The following DOCK3 variants were observed in gnomAD, a reference collection of about 807,000 sequenced individuals.
DOCK3 encodes the protein dedicator of cytokinesis 3.
In DOCK3, 60 loss-of-function variants were observed where a neutral mutation model predicts 265.6. The observed-to-expected ratio is 0.23, with a 90% CI of 0.18 to 0.28. DOCK3 has a LOEUF of 0.28. Ranked by LOEUF, DOCK3 falls within the 10% of genes least tolerant of loss-of-function variation. DOCK3 has a pLI of 1.00. For missense variants in DOCK3, 1,981 were observed against 2,594.3 expected, an observed-to-expected ratio of 0.76 and a Z score of 5.14; for synonymous variants, 881 against 938.0, an observed-to-expected ratio of 0.94 and a Z score of 1.11.
chr3:51,090,136 G>A (rs2082582996), intron 8 of DOCK3, 94 bp from the exon 9 acceptor site: 6 of 1,297,236 alleles, frequency 4.6e-6, no homozygotes, highest in Middle Eastern at 2.2e-4. Flanking sequence ...CTTCAGTAGT[G>A]TGAAAAGAGT....
intron 1 of DOCK3, among the ~76,000 whole-genome samples, chr3:50,716,445 G>A (rs575680002): frequency 4.9e-4 from 74 of 152,068 alleles, no homozygotes; most frequent in African/African-American, 9.4e-4. Context: ...GCAGAATGGC[G>A]TGAACCCAGG....
intron 5 of DOCK3, among the ~76,000 whole-genome samples, chr3:51,007,822 T>G (rs1369463931): frequency 1.3e-5 from 2 of 152,230 alleles, no homozygotes; most frequent in Non-Finnish European, 2.9e-5. Flanking sequence ...GGGCTCCAGT[T>G]TCAGCTTTCT....
chr3:50,909,145 C>T (rs532162484), intron 4 of DOCK3, among the ~76,000 whole-genome samples: 42 of 151,892 alleles, frequency 2.8e-4, no homozygotes, highest in African/African-American at 8.9e-4. Context: ...GACGGCATAC[C>T]AATGGTCTTA....
At chr3:50,893,789 A>G (rs976232330) in intron 4 of DOCK3, among the ~76,000 whole-genome samples, 2 of 151,938 alleles carry the variant, frequency 1.3e-5, no homozygotes, top group East Asian at 3.9e-4. Flanking sequence ...CTTGAAGTCC[A>G]AACAACCCCT....
At chr3:50,724,489 C>T (rs1214623828) in intron 1 of DOCK3, among the ~76,000 whole-genome samples, 2 of 152,192 alleles carry the variant, frequency 1.3e-5, no homozygotes, top group African/African-American at 2.4e-5. Context: ...AGCACATATA[C>T]ACCATGCAAT....
At chr3:50,997,138 G>A (rs2078314389) in intron 5 of DOCK3, among the ~76,000 whole-genome samples, 2 of 152,160 alleles carry the variant, frequency 1.3e-5, no homozygotes, top group Admixed American at 6.5e-5. Flanking sequence ...AATGAGCACT[G>A]TTCTCTTTAT....
intron 3 of DOCK3, among the ~76,000 whole-genome samples, chr3:50,848,954 A>G (rs1047797994): frequency 2.0e-5 from 3 of 152,142 alleles, no homozygotes; most frequent in Admixed American, 6.5e-5. Flanking sequence ...TTTGCTTTAC[A>G]TAATCCCATA....
chr3:50,796,893 T>A (rs894310939), intron 2 of DOCK3, among the ~76,000 whole-genome samples: 12 of 152,120 alleles, frequency 7.9e-5, no homozygotes, highest in Admixed American at 7.9e-4. Context: ...CTGGGCTGCA[T>A]GCTCTAACTC....
chr3:51,039,883 C>CTTTTTT (rs60370676), intron 5 of DOCK3, among the ~76,000 whole-genome samples: 1 of 99,872 alleles, frequency 1.0e-5, no homozygotes, highest in African/African-American at 3.9e-5. Context: ...GCTTTGAGGT[C>CTTTTTT]TTTTTTTTTT....
At chr3:51,317,624 G>A (rs1307428151) in intron 32 of DOCK3, among the ~76,000 whole-genome samples, 2 of 128,032 alleles carry the variant, frequency 1.6e-5, no homozygotes, top group African/African-American at 5.7e-5. Flanking sequence ...TAATAATAAT[G>A]TATATTTAAA....
At chr3:51,121,346 G>C (rs942452647) in intron 9 of DOCK3, among the ~76,000 whole-genome samples, 6 of 152,156 alleles carry the variant, frequency 3.9e-5, no homozygotes, top group African/African-American at 1.2e-4. Flanking sequence ...GTCCCAGTGA[G>C]ATGAACCTAG....
At chr3:50,779,491 C>T (rs1169906534) in intron 2 of DOCK3, among the ~76,000 whole-genome samples, 1 of 152,060 alleles carries the variant, frequency 6.6e-6, no homozygotes, top group African/African-American at 2.4e-5. Flanking sequence ...TCAAGTAATT[C>T]CCCTGCCTCA....
chr3:50,737,090 T>C (rs1169475696), intron 1 of DOCK3, among the ~76,000 whole-genome samples: 1 of 152,162 alleles, frequency 6.6e-6, no homozygotes, highest in Admixed American at 6.5e-5. Flanking sequence ...TCTTTGTAGA[T>C]TCTGGATATT....
At chr3:50,960,843 C>T (rs1208070507) in intron 5 of DOCK3, among the ~76,000 whole-genome samples, 1 of 152,010 alleles carries the variant, frequency 6.6e-6, no homozygotes, top group Non-Finnish European at 1.5e-5. Context: ...ATTTTGAGTT[C>T]ATTTTTTGTG....
At chr3:50,933,560 C>A (rs1280667588) in intron 4 of DOCK3, among the ~76,000 whole-genome samples, 2 of 152,010 alleles carry the variant, frequency 1.3e-5, no homozygotes, top group South Asian at 2.1e-4. Context: ...CTCCACAACC[C>A]CCCACATTTT....
intron 5 of DOCK3, among the ~76,000 whole-genome samples, chr3:50,986,352 G>A (rs552680506): frequency 3.9e-5 from 6 of 152,260 alleles, no homozygotes; most frequent in African/African-American, 1.4e-4. Flanking sequence ...TAACAAGTTT[G>A]CCTGATAGCC....
intron 5 of DOCK3, among the ~76,000 whole-genome samples, chr3:50,990,827 G>A (rs143035667): frequency 0.011 from 1,620 of 152,178 alleles, 19 homozygotes; most frequent in Non-Finnish European, 0.016. Flanking sequence ...TATTTTGGCC[G>A]TGCTGGCAGC....
chr3:50,791,958 G>T (rs2042502185), intron 2 of DOCK3, among the ~76,000 whole-genome samples: 1 of 151,944 alleles, frequency 6.6e-6, no homozygotes, highest in African/African-American at 2.4e-5. Context: ...TTTGTTCCAT[G>T]TGAATTTTAA....
rs1356332740 is a variant in DOCK3, at chr3:50,900,939, G to A, written c.218+10858G>A. On this transcript the variant is annotated intron_variant, in intron 4 of 52. Coordinates refer to ENST00000266037, the MANE Select transcript of DOCK3 (RefSeq NM_004947.5). Reference sequence around the variant, plus strand: ...CCTGTTGGGAGGTGTCTCCTAGTCAGGAGGCACGGGGGTCAGGGACCCACC... The same window carrying A: ...CCTGTTGGGAGGTGTCTCCTAGTCAAGAGGCACGGGGGTCAGGGACCCACC... 4.7e-6 allele frequency: 2 copies of A among 428,398 alleles called. 1 individual carries two copies. The highest frequency in any genetic ancestry group is 3.4e-5 in the South Asian group (2 of 59,142). The allele number at this position is 428,398 out of a possible 1,614,324, so 26.5% of individuals were successfully genotyped here.
Sources: allele counts gnomAD v4.1 joint callset (sites outside exome capture counted in the v4.1 genomes callset), GRCh38; gene constraint gnomAD v4.1.1; transcripts MANE v1.5; gene names NCBI Gene and HGNC (gene_info 2026-07-23, HGNC 2026-07-21).